Variants in COL19A1 observed in about 807,000 individuals in gnomAD.
COL19A1 encodes the protein collagen type XIX alpha 1 chain.
Under a neutral mutation model 190.2 loss-of-function variants are expected in COL19A1, and 159 were observed. The ratio of observed to expected loss-of-function variants is 0.84; its 90% CI spans 0.73 to 0.95. The LOEUF is 0.95. COL19A1 is among the 40% of genes least tolerant of loss of function. The pLI, the probability that COL19A1 is intolerant of heterozygous loss-of-function variation, is 0.00. For missense variants in COL19A1, 1,418 were observed against 1,431.9 expected (o/e 0.99, Z 0.16); for synonymous variants, 509 against 458.9 (o/e 1.11, Z -1.39).
intron 14 of COL19A1, among the ~76,000 whole-genome samples, chr6:70,050,096 C>T (rs1275049728): frequency 5.3e-5 from 8 of 152,030 alleles, no homozygotes; most frequent in Non-Finnish European, 1.2e-4. Flanking sequence ...CTTGACCTTT[C>T]TGTGTCATCT....
chr6:69,935,817 G>A (rs1037050307), intron 7 of COL19A1, among the ~76,000 whole-genome samples: 4 of 151,894 alleles, frequency 2.6e-5, no homozygotes, highest in Admixed American at 6.6e-5. Context: ...TTCCTGCACA[G>A]ATCATCAAAA....
chr6:69,983,003 A>C (rs1337916381), intron 11 of COL19A1, among the ~76,000 whole-genome samples: 3 of 149,414 alleles, frequency 2.0e-5, no homozygotes. Flanking sequence ...TAAATAAATA[A>C]ATAAATAAAT....
intron 11 of COL19A1, among the ~76,000 whole-genome samples, chr6:69,993,334 T>G (rs1253174013): frequency 6.6e-6 from 1 of 152,184 alleles, no homozygotes; most frequent in Non-Finnish European, 1.5e-5. Context: ...ATTAGCTTTT[T>G]GATGTGCTGT....
chr6:70,188,396 T>A, intron 47 of COL19A1, 151 bp downstream of exon 47: 2 of 899,870 alleles, frequency 2.2e-6, no homozygotes, highest in Non-Finnish European at 3.2e-6. Flanking sequence ...TAAAGTTATG[T>A]GCCAGATCCT....
rs534023341 is a variant in COL19A1 at position 70,066,568 on chromosome 6, G to T, written c.1171-1855G>T. On this transcript the variant is annotated intron_variant, in intron 14 of 50. Coordinates refer to ENST00000620364, the MANE Select transcript of COL19A1 (RefSeq NM_001858.6). ...CATATGTAACAAACCTGCACGTTGTGCACATGTACCCTAGAACTTAAAGTA... is the reference window on the plus strand; with the variant it reads ...CATATGTAACAAACCTGCACGTTGTTCACATGTACCCTAGAACTTAAAGTA... Among the ~76,000 whole-genome samples the T allele has an allele frequency of 3.9e-5, 6 of 151,966 alleles. No homozygotes were observed. In the South Asian group the frequency reaches 6.2e-4, roughly 16 times the overall value.
In COL19A1 at chr6:69,905,448, A is replaced by C. The variant is rs533891579; in HGVS notation, c.266+5110A>C. 6.6e-5 allele frequency among the ~76,000 whole-genome samples: 10 copies of C among 152,256 alleles called. No individual in the cohort carries two copies. In the South Asian group the frequency reaches 1.7e-3, roughly 25 times the overall value. ...AGCTTAACTGTTTCTCTCTCTGGGC[A>C]TGAGTGAGCTGAGCCGTGTCCTGGC... On this transcript the variant is annotated intron_variant, in intron 4 of 50. Transcript: ENST00000620364.
intron 41 of COL19A1, among the ~76,000 whole-genome samples, chr6:70,174,307 C>G (rs1382281556): frequency 6.6e-6 from 1 of 152,178 alleles, no homozygotes; most frequent in Non-Finnish European, 1.5e-5. Flanking sequence ...GTGGCTCACG[C>G]CTGTAATCCC....
At chr6:69,956,393 A>G (rs561706380) in intron 9 of COL19A1, among the ~76,000 whole-genome samples, 1 of 152,138 alleles carries the variant, frequency 6.6e-6, no homozygotes, top group Admixed American at 6.6e-5. Context: ...CTATATATAT[A>G]TTTTTAACTT....
At chr6:70,147,947 T>A (rs1403595817) in intron 27 of COL19A1, among the ~76,000 whole-genome samples, 1 of 152,030 alleles carries the variant, frequency 6.6e-6, no homozygotes, top group African/African-American at 2.4e-5. Flanking sequence ...GTTTATGATA[T>A]CAGTAAAGGA....
chr6:70,032,326 G>A (rs926343894), intron 12 of COL19A1, among the ~76,000 whole-genome samples: 1 of 152,246 alleles, frequency 6.6e-6, no homozygotes, highest in South Asian at 2.1e-4. Context: ...CAGGATGGGG[G>A]CCATGGTCCA....
chr6:70,064,689 C>T (rs1781066124), intron 14 of COL19A1, among the ~76,000 whole-genome samples: 1 of 152,152 alleles, frequency 6.6e-6, no homozygotes, highest in African/African-American at 2.4e-5. Flanking sequence ...TTGCAGATGA[C>T]ATGATTGTAT....
chr6:70,076,196 A>T (rs1187341569), intron 15 of COL19A1, among the ~76,000 whole-genome samples: 1 of 152,162 alleles, frequency 6.6e-6, no homozygotes, highest in South Asian at 2.1e-4. Flanking sequence ...GTACTATAGT[A>T]TCATTCCAGC....
At chr6:69,902,378 C>T (rs1770246498) in intron 4 of COL19A1, among the ~76,000 whole-genome samples, 2 of 152,216 alleles carry the variant, frequency 1.3e-5, no homozygotes, top group Admixed American at 1.3e-4. Flanking sequence ...AGGTGAGGTT[C>T]GTGAGAGGAG....
intron 48 of COL19A1, among the ~76,000 whole-genome samples, chr6:70,198,770 T>C (rs1011050710): frequency 5.9e-5 from 9 of 152,220 alleles, no homozygotes; most frequent in South Asian, 2.1e-4. Flanking sequence ...TATAAATGTT[T>C]ATTATCTCAC....
intron 1 of COL19A1, among the ~76,000 whole-genome samples, chr6:69,871,980 CT>C (rs2149932748): frequency 6.6e-6 from 1 of 151,946 alleles, no homozygotes; most frequent in East Asian, 1.9e-4. Flanking sequence ...CCACACCTGG[CT>C]AATTTTTGTA....
intron 9 of COL19A1, among the ~76,000 whole-genome samples, chr6:69,956,173 C>T (rs1392781566): frequency 6.6e-6 from 1 of 151,848 alleles, no homozygotes; most frequent in Non-Finnish European, 1.5e-5. Flanking sequence ...TTGTTAGCTA[C>T]CACTAACCAC....
chr6:69,883,880 G>T (rs1311814077), intron 2 of COL19A1, among the ~76,000 whole-genome samples: 18 of 151,966 alleles, frequency 1.2e-4, no homozygotes, highest in Admixed American at 1.2e-3. Flanking sequence ...TAAAATAACG[G>T]ATTTTAGCTG....
At chr6:70,084,224 T>C (rs1204630463) in intron 15 of COL19A1, among the ~76,000 whole-genome samples, 2 of 151,928 alleles carry the variant, frequency 1.3e-5, no homozygotes, top group South Asian at 2.1e-4. Context: ...CAGGTAACGG[T>C]TGGTGAAGAT....
intron 31 of COL19A1, among the ~76,000 whole-genome samples, chr6:70,155,612 C>G (rs1583043710): frequency 6.6e-6 from 1 of 152,278 alleles, no homozygotes; most frequent in East Asian, 1.9e-4. Flanking sequence ...TCTCGAGTGC[C>G]TCCACTGACA....
Sources: allele counts gnomAD v4.1 joint callset (sites outside exome capture counted in the v4.1 genomes callset), GRCh38; gene constraint gnomAD v4.1.1; transcripts MANE v1.5; gene names NCBI Gene and HGNC (gene_info 2026-07-23, HGNC 2026-07-21).